ZNF367: variants seen among roughly 807,000 people sequenced by gnomAD.
The protein encoded by ZNF367 is C2H2 zinc finger protein ZFF29.
Under a neutral mutation model 31.8 loss-of-function variants are expected in ZNF367, and 11 were observed. The observed-to-expected ratio is 0.35, with a 90% CI of 0.22 to 0.57. The LOEUF is 0.57. Ranked by LOEUF, ZNF367 falls within the 20% of genes least tolerant of loss-of-function variation. The pLI is 0.85. For missense variants in ZNF367, 353 were observed against 484.1 expected (o/e 0.73, Z 2.54); for synonymous variants, 199 against 202.4 (o/e 0.98, Z 0.14).
chr9:96,386,730 T>C lies in ZNF367; in HGVS notation c.*1507A>G, dbSNP rs1349273407. ...TTTTCTCCTCTTCAAGACATTTACA[T>C]GCCTCCCCTTCCCCGTGGCTACATA... On this transcript the variant is annotated 3_prime_UTR_variant, in exon 5 of 5. Transcript: ENST00000375256. The C allele has an allele frequency of 1.3e-5, 2 of 152,212 alleles. No individual in the cohort carries two copies. Among genetic ancestry groups the C allele is most frequent in the Non-Finnish European group, 2.9e-5 (2 of 68,022 alleles). 9.4% of individuals were successfully genotyped at this position (152,212 alleles called of 1,614,324 possible). A position where few individuals can be genotyped will look rare whatever the true frequency, so the allele number is the denominator to read the frequency against.
intron 1 of ZNF367, among the ~76,000 whole-genome samples, chr9:96,406,895 G>A (rs1335791961): frequency 1.3e-5 from 2 of 151,076 alleles, no homozygotes; most frequent in Non-Finnish European, 2.9e-5. Flanking sequence ...CCAGCTACTC[G>A]GGAGGCTGAG....
chr9:96,403,419 G>A (rs955011288), intron 1 of ZNF367, among the ~76,000 whole-genome samples: 1 of 152,172 alleles, frequency 6.6e-6, no homozygotes, highest in Non-Finnish European at 1.5e-5. Context: ...AGATAGCAAT[G>A]CTATCCAAAG....
At chr9:96,412,480 C>T (rs761285146) in intron 1 of ZNF367, among the ~76,000 whole-genome samples, 17 of 152,082 alleles carry the variant, frequency 1.1e-4, no homozygotes, top group Non-Finnish European at 1.8e-4. Flanking sequence ...CAGAGGGAGG[C>T]GTGTGAACCT....
chr9:96,405,931 T>C (rs1831666547), intron 1 of ZNF367, among the ~76,000 whole-genome samples: 1 of 152,230 alleles, frequency 6.6e-6, no homozygotes, highest in Admixed American at 6.5e-5. Flanking sequence ...TAATGTTATG[T>C]AATTTTACAT....
intron 1 of ZNF367, among the ~76,000 whole-genome samples, chr9:96,414,011 AT>A (rs1357419790): frequency 6.6e-6 from 1 of 152,250 alleles, no homozygotes; most frequent in African/African-American, 2.4e-5. Context: ...ACTCAGCACA[AT>A]TCCCTGATGA....
rs1019144656 is a variant in ZNF367, at chr9:96,417,126, T to A, written c.420+487A>T. 3.9e-5 allele frequency among the ~76,000 whole-genome samples: 6 copies of A among 152,336 alleles called. No individual in the cohort carries two copies. The highest frequency in any genetic ancestry group is 4.8e-5 in the African/African-American group (2 of 41,574). ...AAATGAAAGGCAGCGAAGGCACAAC[T>A]TCAGCCGCAGAACAGGCCCAGAAGT... is the stretch of plus-strand genomic sequence containing the variant. On this transcript the variant is annotated intron_variant, in intron 1 of 4. Coordinates refer to ENST00000375256, the MANE Select transcript of ZNF367 (RefSeq NM_153695.4). This position sits in a 1 kb window ranked among gnomAD's most constrained non-coding sequence, Gnocchi z 5.0.
chr9:96,398,020 G>A (rs1831554041), intron 2 of ZNF367, 144 bp downstream of exon 2: 1 of 678,442 alleles, frequency 1.5e-6, no homozygotes, highest in East Asian at 3.1e-5. Context: ...AACCCAGGAG[G>A]CGGAGCTTGC....
intron 2 of ZNF367, among the ~76,000 whole-genome samples, chr9:96,396,256 C>T (rs977609357): frequency 1.4e-4 from 21 of 152,096 alleles, no homozygotes; most frequent in Non-Finnish European, 2.5e-4. Flanking sequence ...ACTGGCAACT[C>T]TACGGCCTAC....
chr9:96,400,392 CAAAA>C (rs57650386), intron 1 of ZNF367, among the ~76,000 whole-genome samples: 1 of 71,872 alleles, frequency 1.4e-5, no homozygotes, highest in Non-Finnish European at 2.6e-5. Context: ...GACCCTGTCT[CAAAA>C]AAAAAAAAAA....
chr9:96,403,296 A>G (rs1831631638), intron 1 of ZNF367, among the ~76,000 whole-genome samples: 1 of 152,196 alleles, frequency 6.6e-6, no homozygotes, highest in African/African-American at 2.4e-5. Flanking sequence ...CCGATGGGTC[A>G]AAGAAGAAAT....
intron 1 of ZNF367, among the ~76,000 whole-genome samples, chr9:96,408,529 AG>A (rs1328731484): frequency 6.6e-6 from 1 of 152,240 alleles, no homozygotes; most frequent in Non-Finnish European, 1.5e-5. Flanking sequence ...AGTGACAAAA[AG>A]GCAAATACTG....
chr9:96,402,452 T>C (rs1375309275), intron 1 of ZNF367, among the ~76,000 whole-genome samples: 7 of 125,488 alleles, frequency 5.6e-5, no homozygotes, highest in African/African-American at 9.4e-5. Context: ...TTCTTTTTTT[T>C]TTTTTTTTTT....
chr9:96,417,175 C>G lies in ZNF367; in HGVS notation c.420+438G>C, dbSNP rs996385723. On this transcript the variant is annotated intron_variant, in intron 1 of 4. Transcript: ENST00000375256. The surrounding 1 kb of genome is among the most constrained non-coding windows in gnomAD (Gnocchi z 5.0). ...GTCCTTTCTTGCTCTTCGGCTGTCT[C>G]TGCAGGGCATCTTTTAACAGGGCGA... 6.6e-5 allele frequency among the ~76,000 whole-genome samples: 10 copies of G among 152,338 alleles called. No homozygotes were observed. In the East Asian group the frequency reaches 1.5e-3, roughly 24 times the overall value.
chr9:96,392,427 G>T lies in ZNF367; in HGVS notation c.801C>A (p.Asp267Glu). Residue 267 changes from aspartate (D) to glutamate (E), a missense_variant, in exon 4 of 5, where the codon GAC becomes GAA. Physicochemically the swap from Asp to Glu is conservative, Grantham distance 45. Around this residue, in one of 5 missense-constraint regions of ZNF367, gnomAD observed 101 missense variants for 140.0 expected, o/e 0.72. Transcript: ENST00000375256. ...TDTLSKHQAA[D>E]NKAAAEWLAR... ...CCAGCCACTCGGCCGCGGCCTTGTT[G>T]TCGGCAGCCTGATGTTTGCTGAGTG... 1 of 1,614,208 alleles carries T rather than the reference G, an allele frequency of 6.2e-7. No homozygotes were observed.
intron 2 of ZNF367, among the ~76,000 whole-genome samples, chr9:96,397,871 C>A (rs1181120854): frequency 6.6e-6 from 1 of 151,938 alleles, no homozygotes; most frequent in Non-Finnish European, 1.5e-5. Flanking sequence ...GCAGGCGGAT[C>A]ACAAGGTCAG....
chr9:96,407,268 C>T, intron 1 of ZNF367: 1 of 1,413,568 alleles, frequency 7.1e-7, no homozygotes, highest in East Asian at 2.3e-5. Flanking sequence ...CTCCTGGCGG[C>T]TCTGCGGCCG....
At chr9:96,389,239 G>T (rs1831440552) in intron 4 of ZNF367, among the ~76,000 whole-genome samples, 1 of 151,466 alleles carries the variant, frequency 6.6e-6, no homozygotes, top group African/African-American at 2.4e-5. Flanking sequence ...GGCGGAGGTT[G>T]CAGCAAGCTG....
Position 96,398,204 on chromosome 9 carries a change from T to A in ZNF367, c.531A>T (p.Pro177=), listed in dbSNP as rs573220469. The A allele has an allele frequency of 7.5e-6, 12 of 1,597,054 alleles. No individual in the cohort carries two copies. The highest frequency in any genetic ancestry group is 3.4e-5 in the Admixed American group (2 of 59,308). ...IRCNICNRVF[P]REKSLQAHKR... ...TGTGAGCCTGGAGCGATTTCTCCCG[T>A]GGAAACACCCTATTACAGATGTTAC... Residue 177 remains proline, a synonymous_variant, in exon 2 of 5, where the codon CCA becomes CCT. Transcript: ENST00000375256.
Position 96,387,855 on chromosome 9 carries a change from T to A in ZNF367, c.*382A>T, listed in dbSNP as rs901387051. The A allele has an allele frequency of 1.1e-5, 2 of 176,766 alleles. No individual in the cohort carries two copies. Among genetic ancestry groups the A allele is most frequent in the East Asian group, 3.0e-4 (2 of 6,584 alleles). The allele number at this position is 176,766 out of a possible 1,614,324, so 10.9% of individuals were successfully genotyped here. A position where few individuals can be genotyped will look rare whatever the true frequency, so the allele number is the denominator to read the frequency against. ...ATATTGTTAAAAATGATCTTATAAA[T>A]AATCTGTTTTAATCTTCTTTGGCTA... On this transcript the variant is annotated 3_prime_UTR_variant, in exon 5 of 5. Transcript: ENST00000375256.
Sources: allele counts gnomAD v4.1 joint callset (sites outside exome capture counted in the v4.1 genomes callset), GRCh38; gene constraint gnomAD v4.1.1; regional missense constraint gnomAD v4.1.1; non-coding constraint Gnocchi (gnomAD v3.1); transcripts MANE v1.5; gene names NCBI Gene and HGNC (gene_info 2026-07-23, HGNC 2026-07-21).